SCN9A: variants seen among roughly 807,000 people sequenced by gnomAD.
SCN9A encodes the protein sodium voltage-gated channel alpha subunit 9.
Under a neutral mutation model 187.0 loss-of-function variants are expected in SCN9A, and 131 were observed. That is an observed-to-expected ratio of 0.70 (90% CI 0.61 to 0.81). The LOEUF (loss-of-function observed/expected upper bound fraction) is 0.81. Among genes scored for constraint, SCN9A ranks in the 30% least tolerant of loss-of-function variants. The pLI, the probability that SCN9A is intolerant of heterozygous loss-of-function variation, is 0.00. For missense variants in SCN9A, 2,252 were observed against 2,396.6 expected (o/e 0.94, Z 1.26); for synonymous variants, 809 against 808.6 (o/e 1.00, Z -0.01).
In SCN9A at chr2:166,224,668, T is replaced by C. The variant is rs1003644405; in HGVS notation, c.4398+1899A>G. 3.3e-5 allele frequency among the ~76,000 whole-genome samples: 5 copies of C among 152,120 alleles called. No homozygotes were observed. The South Asian group carries it at 6.2e-4, about 19-fold the overall frequency. On this transcript the variant is annotated intron_variant, in intron 24 of 26. Transcript: ENST00000642356. ...AATGGAACATATTTCCTATTCTCCA[T>C]TGACACACAGGACTAATTTGGAGAC...
At chr2:166,246,017 A>G (rs1476939561) in intron 18 of SCN9A, among the ~76,000 whole-genome samples, 1 of 151,904 alleles carries the variant, frequency 6.6e-6, no homozygotes, top group East Asian at 1.9e-4. Context: ...TACAGCAAAC[A>G]AGGTGTTTCC....
chr2:166,349,989 AT>A (rs1427741021), intron 1 of SCN9A, among the ~76,000 whole-genome samples: 39 of 88,504 alleles, frequency 4.4e-4, no homozygotes, highest in African/African-American at 2.2e-3. Flanking sequence ...AAAATAAAAA[AT>A]AAAAAATAAA....
rs7608201 is a variant in SCN9A at position 166,284,445 on chromosome 2, G to A, written c.1974+8C>T. ...CAGCCATGCCTGAGCTATGTAAAACGTCCTTACGCTGTCATCAGAAGTTGC... is the reference window on the plus strand; with the variant it reads ...CAGCCATGCCTGAGCTATGTAAAACATCCTTACGCTGTCATCAGAAGTTGC... On this transcript the variant is annotated splice_region_variant and intron_variant, in intron 12 of 26. Transcript: ENST00000642356. 0.085 allele frequency: 136,121 copies of A among 1,600,640 alleles called. 6,855 individuals carry two copies. Among genetic ancestry groups the A allele is most frequent in the Admixed American group, 0.22 (12,645 of 57,686 alleles).
At chr2:166,209,576 C>T (rs1693980610) in intron 24 of SCN9A, among the ~76,000 whole-genome samples, 1 of 148,498 alleles carries the variant, frequency 6.7e-6, no homozygotes, top group African/African-American at 2.5e-5. Flanking sequence ...GATTCAATAG[C>T]AGACTTGATC....
intron 21 of SCN9A, among the ~76,000 whole-genome samples, chr2:166,230,554 A>G (rs750425497): frequency 5.3e-5 from 8 of 152,168 alleles, no homozygotes; most frequent in Non-Finnish European, 8.8e-5. Context: ...ACCATGTGGT[A>G]TCACTGCCTT....
intron 1 of SCN9A, among the ~76,000 whole-genome samples, chr2:166,368,423 C>G (rs1370227066): frequency 6.6e-6 from 1 of 152,156 alleles, no homozygotes; most frequent in African/African-American, 2.4e-5. Context: ...CACCTGAGGT[C>G]AGGAATTCGA....
Position 166,272,803 on chromosome 2 carries a change from G to A in SCN9A, c.2947C>T (p.Pro983Ser). Residue 983 changes from proline (P) to serine (S), a missense_variant, in exon 17 of 27, where the codon CCT becomes TCT. Around this residue, in one of 7 missense-constraint regions of SCN9A, gnomAD observed 119 missense variants for 188.7 expected, o/e 0.63. Coordinates refer to ENST00000642356, the MANE Select transcript of SCN9A (RefSeq NM_001365536.1). ...GCAATCTGGAGGTTGTTTGCATCAG[G>A]GTCTTCTTCAATTGCTGTAAGATTG... ...SDNLTAIEED[P>S]DANNLQIAVT... The A allele has an allele frequency of 1.3e-6, 2 of 1,520,448 alleles. No homozygotes were observed. The highest frequency in any genetic ancestry group is 2.2e-5 in the Admixed American group (1 of 44,568). The allele number at this position is 1,520,448 out of a possible 1,614,324, so 94.2% of individuals were successfully genotyped here.
chr2:166,311,870 T>G (rs1574913995), intron 1 of SCN9A, 64 bp from the exon 2 acceptor site: 1 of 967,736 alleles, frequency 1.0e-6, no homozygotes, highest in East Asian at 2.5e-5. Flanking sequence ...CATTAAAAAC[T>G]AATAATAACA....
chr2:166,276,735 T>C (rs1184117889), intron 16 of SCN9A: 2 of 235,804 alleles, frequency 8.5e-6, no homozygotes, highest in East Asian at 1.8e-4. Flanking sequence ...GAGAAAAAGA[T>C]AGAAACCTTT....
intron 24 of SCN9A, among the ~76,000 whole-genome samples, chr2:166,211,903 A>G (rs1008508564): frequency 2.0e-5 from 3 of 152,186 alleles, no homozygotes; most frequent in African/African-American, 4.8e-5. Context: ...CAAAAAGGCA[A>G]TAGTAAGTCA....
At chr2:166,328,518 A>C (rs1003772965) in intron 1 of SCN9A, among the ~76,000 whole-genome samples, 1 of 152,152 alleles carries the variant, frequency 6.6e-6, no homozygotes, top group Non-Finnish European at 1.5e-5. Flanking sequence ...GTTATACTTA[A>C]TGAAAAGTTA....
At chr2:166,338,209 G>T (rs777096875) in intron 1 of SCN9A, among the ~76,000 whole-genome samples, 6 of 152,060 alleles carry the variant, frequency 3.9e-5, no homozygotes, top group Non-Finnish European at 8.8e-5. Flanking sequence ...CTTCAAAATT[G>T]CTTGTCTCAC....
At chr2:166,199,885 T>C (rs1422407150) in intron 26 of SCN9A, 21 bp from the exon 27 acceptor site, 4 of 1,501,076 alleles carry the variant, frequency 2.7e-6, no homozygotes, top group South Asian at 1.1e-5. Flanking sequence ...AGGAAAATAA[T>C]AGAAATAAAA....
chr2:166,283,471 C>G (rs1697585277), intron 12 of SCN9A, among the ~76,000 whole-genome samples: 1 of 152,120 alleles, frequency 6.6e-6, no homozygotes, highest in African/African-American at 2.4e-5. Context: ...AAAGCCCTTG[C>G]TGATATTGGT....
Position 166,286,628 on chromosome 2 carries a change from T to G in SCN9A, c.1315-5A>C. ...AGCCGCTGCCGCTGCAATTGCCTGG[T>G]TGGGCCAAGACGTTAACACTTAAAT... On this transcript the variant is annotated splice_region_variant and splice_polypyrimidine_tract_variant and intron_variant, in intron 10 of 26. Transcript: ENST00000642356. 6.5e-7 allele frequency: 1 copy of G among 1,529,628 alleles called. No individual in the cohort carries two copies. Among genetic ancestry groups the G allele is most frequent in the Non-Finnish European group, 8.7e-7 (1 of 1,144,090 alleles). 94.8% of individuals were successfully genotyped at this position (1,529,628 alleles called of 1,614,324 possible). A position where few individuals can be genotyped will look rare whatever the true frequency, so the allele number is the denominator to read the frequency against.
chr2:166,339,653 T>G (rs532674344), intron 1 of SCN9A, among the ~76,000 whole-genome samples: 1 of 152,010 alleles, frequency 6.6e-6, no homozygotes, highest in African/African-American at 2.4e-5. Context: ...AAAACTGGAG[T>G]CCCTGGCACC....
intron 1 of SCN9A, among the ~76,000 whole-genome samples, chr2:166,344,719 AG>A (rs1198742502): frequency 3.9e-5 from 6 of 152,182 alleles, no homozygotes; most frequent in Non-Finnish European, 8.8e-5. Flanking sequence ...TTTTCTGGAA[AG>A]CCACCTACAA....
At chr2:166,361,045 A>G (rs898333451) in intron 1 of SCN9A, among the ~76,000 whole-genome samples, 2 of 152,184 alleles carry the variant, frequency 1.3e-5, no homozygotes, top group Non-Finnish European at 2.9e-5. Context: ...TTACTAGCTT[A>G]TGTCCTTGGG....
chr2:166,207,268 T>C (rs1315041520), intron 24 of SCN9A, among the ~76,000 whole-genome samples: 1 of 152,164 alleles, frequency 6.6e-6, no homozygotes, highest in Non-Finnish European at 1.5e-5. Flanking sequence ...CTGGTTATGG[T>C]TTCCCTTTAT....
Sources: gnomAD v4.1 joint callset for allele counts (sites outside exome capture counted in the v4.1 genomes callset) on GRCh38, gnomAD v4.1.1 for gene constraint, gnomAD v4.1.1 regional missense constraint, MANE v1.5 for transcripts, NCBI Gene and HGNC (gene_info 2026-07-23, HGNC 2026-07-21) for gene names.